The following KIAA0319L variants were observed in gnomAD, a reference collection of about 807,000 sequenced individuals.
The protein encoded by KIAA0319L is KIAA0319 like.
Under a neutral mutation model 120.1 loss-of-function variants are expected in KIAA0319L, and 55 were observed. The observed-to-expected ratio is 0.46, with a 90% confidence interval of 0.37 to 0.57. The LOEUF (loss-of-function observed/expected upper bound fraction) is 0.57, where lower values mean the gene tolerates loss of function less well. Ranked by LOEUF, KIAA0319L falls within the 20% of genes least tolerant of loss-of-function variation. The pLI is 0.00. For synonymous variants in KIAA0319L, 398 were observed against 471.9 expected (o/e 0.84, Z 2.03); for missense variants, 1,049 against 1,255.3 (o/e 0.84, Z 2.48).
At chr1:35,459,916 C>T (rs1260937332) in intron 9 of KIAA0319L, among the ~76,000 whole-genome samples, 2 of 152,004 alleles carry the variant, frequency 1.3e-5, no homozygotes, top group African/African-American at 4.8e-5. Context: ...TTATGAGGTA[C>T]GTAAGCTGAG....
intron 2 of KIAA0319L, among the ~76,000 whole-genome samples, chr1:35,513,240 A>T (rs1645530370): frequency 6.9e-6 from 1 of 145,276 alleles, no homozygotes; most frequent in South Asian, 2.1e-4. Context: ...ATTTTGATTT[A>T]TATATATATA....
chr1:35,462,896 G>A (rs1274634084), intron 7 of KIAA0319L, among the ~76,000 whole-genome samples, 183 bp from the exon 8 acceptor site: 1 of 152,152 alleles, frequency 6.6e-6, no homozygotes, highest in Non-Finnish European at 1.5e-5. Flanking sequence ...TTGGGGGCTG[G>A]GGTGCAGTGC....
intron 2 of KIAA0319L, among the ~76,000 whole-genome samples, chr1:35,546,014 C>T (rs190100669): frequency 1.3e-3 from 205 of 152,160 alleles, no homozygotes; most frequent in Non-Finnish European, 2.4e-3. Flanking sequence ...TTCAGTTTTG[C>T]GATACTAAGT....
rs991262300 is a variant in KIAA0319L at position 35,519,046 on chromosome 1, G to A, written c.143-11911C>T. Reference sequence around the variant, plus strand: ...TACAGTTTGACTAATGTCAGAGGATGATGAGTTATGGGGCTATTTCTTACT... The same window carrying A: ...TACAGTTTGACTAATGTCAGAGGATAATGAGTTATGGGGCTATTTCTTACT... On this transcript the variant is annotated intron_variant, in intron 2 of 20. Coordinates refer to ENST00000325722, the MANE Select transcript of KIAA0319L (RefSeq NM_024874.5). 2.0e-4 allele frequency among the ~76,000 whole-genome samples: 30 copies of A among 150,692 alleles called. 1 individual carries two copies. The Middle Eastern group carries it at 0.018, about 88-fold the overall frequency.
intron 2 of KIAA0319L, among the ~76,000 whole-genome samples, chr1:35,516,641 G>C (rs1393472061): frequency 2.6e-5 from 4 of 152,138 alleles, no homozygotes; most frequent in Non-Finnish European, 5.9e-5. Context: ...TCGAAAACCA[G>C]CACAAGACAA....
chr1:35,533,258 C>T (rs1360023701), intron 2 of KIAA0319L: 4 of 152,150 alleles, frequency 2.6e-5, no homozygotes, highest in Non-Finnish European at 4.4e-5. Flanking sequence ...GACAGAACGT[C>T]CCCTGTTTCA....
At chr1:35,495,165 G>A (rs1208446315) in intron 3 of KIAA0319L, among the ~76,000 whole-genome samples, 4 of 152,112 alleles carry the variant, frequency 2.6e-5, no homozygotes, top group Non-Finnish European at 4.4e-5. Context: ...CTGAGGTCAG[G>A]AGTTTGAGAC....
chr1:35,499,418 T>C (rs1003288801), intron 3 of KIAA0319L, among the ~76,000 whole-genome samples: 55 of 152,066 alleles, frequency 3.6e-4, no homozygotes, highest in Admixed American at 3.3e-3. Context: ...AGAACATAGC[T>C]AGAATGCAGT....
intron 2 of KIAA0319L, among the ~76,000 whole-genome samples, chr1:35,548,394 G>A (rs1647066086): frequency 6.6e-6 from 1 of 151,858 alleles, no homozygotes; most frequent in Admixed American, 6.6e-5. Flanking sequence ...AAATTTACCA[G>A]TATTATAGTA....
chr1:35,442,165 G>A (rs530424147), intron 19 of KIAA0319L, 81 bp downstream of exon 19: 37 of 1,052,216 alleles, frequency 3.5e-5, no homozygotes, highest in Non-Finnish European at 5.1e-5. Flanking sequence ...GTCCTTCCAC[G>A]TGGAAGGTGC....
rs1642297262 is a variant in KIAA0319L at position 35,454,494 on chromosome 1, A to G, written c.1657-9T>C. 1.9e-6 allele frequency: 3 copies of G among 1,612,600 alleles called. No individual in the cohort carries two copies. The highest frequency in any genetic ancestry group is 2.5e-6 in the Non-Finnish European group (3 of 1,178,962). Reference sequence around the variant, plus strand: ...GTTGGTGTTCTAACACCCTACAAATACAAATACAGAAGTGGAAAAGTGGAC... The same window carrying G: ...GTTGGTGTTCTAACACCCTACAAATGCAAATACAGAAGTGGAAAAGTGGAC... On this transcript the variant is annotated splice_polypyrimidine_tract_variant and intron_variant, in intron 10 of 20. Coordinates refer to ENST00000325722, the MANE Select transcript of KIAA0319L (RefSeq NM_024874.5).
In KIAA0319L at chr1:35,453,464, A is replaced by G; in HGVS notation, c.1913+93T>C. The stretch of plus-strand genomic sequence containing the variant: ...CTCAGTCACCCCACTGGATAAGCCA[A>G]TAAGAGCAACTCAACTCATAATAGC... On this transcript the variant is annotated intron_variant, in intron 12 of 20. Coordinates refer to ENST00000325722, the MANE Select transcript of KIAA0319L (RefSeq NM_024874.5). The surrounding 1 kb of genome is among the most constrained non-coding windows in gnomAD (Gnocchi z 4.1). 1.6e-6 allele frequency: 2 copies of G among 1,245,872 alleles called. No homozygotes were observed. The highest frequency in any genetic ancestry group is 2.3e-6 in the Non-Finnish European group (2 of 873,780). The allele number at this position is 1,245,872 out of a possible 1,614,324, so 77.2% of individuals were successfully genotyped here. A position where few individuals can be genotyped will look rare whatever the true frequency, so the allele number is the denominator to read the frequency against.
rs1159978898 is a variant in KIAA0319L at position 35,543,115 on chromosome 1, T to TGA, written c.142+11233_142+11234dup. Among the ~76,000 whole-genome samples the TGA allele has an allele frequency of 1.1e-4, 16 of 152,376 alleles. No homozygotes were observed. In the East Asian group the frequency reaches 3.1e-3, roughly 29 times the overall value. Reference sequence around the variant, plus strand: ...GCAAGACACAGTGATTTAATTTCACTGAGAGAGAGACCAACTTTAGCAAAT... The same window carrying TGA: ...GCAAGACACAGTGATTTAATTTCACTGAGAGAGAGAGACCAACTTTAGCAAAT... On this transcript the variant is annotated intron_variant, in intron 2 of 20. Transcript: ENST00000325722.
chr1:35,456,142 G>T lies in KIAA0319L; in HGVS notation c.1527C>A (p.Pro509=), dbSNP rs1169619094. The T allele has an allele frequency of 1.9e-6, 3 of 1,614,004 alleles. No homozygotes were observed. The highest frequency in any genetic ancestry group is 2.5e-6 in the Non-Finnish European group (3 of 1,179,966). ...TTTGGGGCAGGGTGATCACTTGGTTGGGGCCTGCGTTGGCCACAGGGGGGT... is the reference window on the plus strand; with the variant it reads ...TTTGGGGCAGGGTGATCACTTGGTTTGGGCCTGCGTTGGCCACAGGGGGGT... ...VDYPPVANAG[P]NQVITLPQNS... The change falls in exon 10 of 21, where the codon CCC becomes CCA. Residue 509 remains proline, a synonymous_variant. Coordinates refer to ENST00000325722, the MANE Select transcript of KIAA0319L (RefSeq NM_024874.5).
intron 2 of KIAA0319L, among the ~76,000 whole-genome samples, chr1:35,525,089 T>G (rs1168495664): frequency 1.3e-5 from 2 of 152,170 alleles, no homozygotes; most frequent in Non-Finnish European, 2.9e-5. Flanking sequence ...CCCATTTGAG[T>G]AAGTATATGC....
intron 3 of KIAA0319L, among the ~76,000 whole-genome samples, chr1:35,494,719 G>C (rs1224839899): frequency 6.6e-6 from 1 of 152,002 alleles, no homozygotes; most frequent in Non-Finnish European, 1.5e-5. Context: ...GCTGAAGTGG[G>C]AGAATCACCT....
chr1:35,441,289 CTG>C, intron 19 of KIAA0319L, 151 bp from the exon 20 acceptor site: 1 of 695,564 alleles, frequency 1.4e-6, no homozygotes, highest in Non-Finnish European at 2.5e-6. Flanking sequence ...AAGGTGGCAA[CTG>C]TGATTTGTTC....
intron 20 of KIAA0319L, 102 bp from the exon 21 acceptor site, chr1:35,435,183 C>A: frequency 9.8e-7 from 1 of 1,023,536 alleles, no homozygotes; most frequent in Non-Finnish European, 1.5e-6. Context: ...CAGGGCAAGT[C>A]ACAGGCTCCT....
chr1:35,513,284 ATATATTTTTTTT>A (rs1645538539), intron 2 of KIAA0319L, among the ~76,000 whole-genome samples: 2 of 103,232 alleles, frequency 1.9e-5, no homozygotes, highest in African/African-American at 8.0e-5. Context: ...ATATATATAT[ATATATTTTTTTT>A]TTTTTTTTTT....
Sources: allele counts gnomAD v4.1 joint callset (sites outside exome capture counted in the v4.1 genomes callset), GRCh38; gene constraint gnomAD v4.1.1; non-coding constraint Gnocchi (gnomAD v3.1); transcripts MANE v1.5; gene names NCBI Gene and HGNC (gene_info 2026-07-23, HGNC 2026-07-21).